Variants in ABCA4 observed in about 807,000 individuals in gnomAD.
ABCA4 encodes ATP binding cassette subfamily A member 4.
Under a neutral mutation model 263.7 loss-of-function variants are expected in ABCA4, and 196 were observed. The ratio of observed to expected loss-of-function variants is 0.74; its 90% CI spans 0.66 to 0.84. The LOEUF (loss-of-function observed/expected upper bound fraction) is 0.84, where lower values mean the gene tolerates loss of function less well. ABCA4 is among the 40% of genes least tolerant of loss of function. ABCA4 has a pLI of 0.00. For synonymous variants in ABCA4, 1,133 were observed against 1,094.2 expected (o/e 1.04, Z -0.70); for missense variants, 2,792 against 2,855.1 (o/e 0.98, Z 0.50).
chr1:94,082,448 T>A (rs192144744), intron 7 of ABCA4, among the ~76,000 whole-genome samples: 9 of 152,324 alleles, frequency 5.9e-5, no homozygotes, highest in African/African-American at 1.2e-4. Context: ...GTGATATAAA[T>A]TTTTTTAATG....
chr1:94,107,634 G>T (rs1308029250), intron 4 of ABCA4, among the ~76,000 whole-genome samples: 1 of 152,138 alleles, frequency 6.6e-6, no homozygotes, highest in African/African-American at 2.4e-5. Context: ...CTGGTGCCCA[G>T]CTCCTGCCAT....
At chr1:94,018,573 C>T (rs1659802534) in intron 36 of ABCA4, 1 of 455,796 alleles carries the variant, frequency 2.2e-6, no homozygotes, top group Non-Finnish European at 4.4e-6. Flanking sequence ...CCAATATTCA[C>T]CATCATTTTA....
At chr1:94,078,738 C>G in intron 9 of ABCA4, 32 bp from the exon 10 acceptor site, 1 of 1,477,372 alleles carries the variant, frequency 6.8e-7, no homozygotes, top group Non-Finnish European at 9.5e-7. Context: ...GACAGAGACA[C>G]GAACAGAGAG....
chr1:94,000,949 G>A (rs1157743492), intron 46 of ABCA4, 21 bp from the exon 47 acceptor site: 6 of 1,614,050 alleles, frequency 3.7e-6, no homozygotes, highest in Non-Finnish European at 5.1e-6. Context: ...GGAGAGAGGA[G>A]GTGAGCAGGA....
chr1:94,034,733 C>A (rs900808471), intron 26 of ABCA4, among the ~76,000 whole-genome samples: 1 of 151,728 alleles, frequency 6.6e-6, no homozygotes, highest in African/African-American at 2.4e-5. Flanking sequence ...GAGCTCAGTT[C>A]CCCCCAGATG....
intron 11 of ABCA4, among the ~76,000 whole-genome samples, chr1:94,071,736 C>T (rs1570400947): frequency 1.3e-5 from 2 of 152,188 alleles, no homozygotes; most frequent in African/African-American, 2.4e-5. Flanking sequence ...CCACCCATGA[C>T]CCCGGTCTAC....
At chr1:94,099,075 T>A in intron 5 of ABCA4, 84 bp from the exon 6 acceptor site, 1 of 1,395,130 alleles carries the variant, frequency 7.2e-7, no homozygotes, top group Non-Finnish European at 9.8e-7. Flanking sequence ...TGGGAATACC[T>A]TGTGTTACAT....
chr1:94,009,268 G>T (rs958380515), intron 40 of ABCA4, among the ~76,000 whole-genome samples: 1 of 152,126 alleles, frequency 6.6e-6, no homozygotes, highest in Admixed American at 6.5e-5. Flanking sequence ...GGACTAAAAT[G>T]CTTCCTCTAC....
chr1:94,080,493 A>G lies in ABCA4; in HGVS notation c.1084T>C (p.Tyr362His), dbSNP rs1661660024. 6.2e-7 allele frequency: 1 copy of G among 1,614,076 alleles called. No individual in the cohort carries two copies. Among genetic ancestry groups the G allele is most frequent in the Non-Finnish European group, 8.5e-7 (1 of 1,180,038 alleles). ...DSTRKDPIYS[Y>H]DRRTTSFCNA... ...GAAAACTTACTTGTTCTTCTGTCAT[A>G]AGAATAGATAGGATCCTTCCTTGTG... The change falls in exon 8 of 50, where the codon TAT becomes CAT. Residue 362 changes from tyrosine (Y) to histidine (H), a missense_variant. Transcript: ENST00000370225.
intron 14 of ABCA4, among the ~76,000 whole-genome samples, chr1:94,060,296 C>A (rs1661084102): frequency 6.6e-6 from 1 of 152,272 alleles, no homozygotes; most frequent in Middle Eastern, 3.4e-3. Context: ...ACTGGGAAGT[C>A]TGTGTGGACC....
At chr1:94,075,864 C>G (rs1025374492) in intron 11 of ABCA4, among the ~76,000 whole-genome samples, 1 of 152,138 alleles carries the variant, frequency 6.6e-6, no homozygotes, top group Non-Finnish European at 1.5e-5. Context: ...GTTTAGCTGC[C>G]CAGCCAGAGA....
chr1:94,022,341 C>A (rs1022155361), intron 32 of ABCA4, among the ~76,000 whole-genome samples: 1 of 152,204 alleles, frequency 6.6e-6, no homozygotes, highest in African/African-American at 2.4e-5. Flanking sequence ...TTGGGAGCAT[C>A]GAGCCAACTC....
At chr1:94,073,551 T>C (rs1470931580) in intron 11 of ABCA4, among the ~76,000 whole-genome samples, 1 of 152,234 alleles carries the variant, frequency 6.6e-6, no homozygotes, top group African/African-American at 2.4e-5. Context: ...TTTGCATGAA[T>C]TAGCTCATTT....
In ABCA4 at chr1:94,047,076, C is replaced by T. The variant is rs1277583380; in HGVS notation, c.2761G>A (p.Glu921Lys). The change falls in exon 19 of 50, where the codon GAG becomes AAG. Residue 921 changes from glutamate to lysine, a missense_variant. Coordinates refer to ENST00000370225, the MANE Select transcript of ABCA4 (RefSeq NM_000350.3). ...ACCCCAGGAACCCACCCTGGATGCT[C>T]ACGTTCAAAGAAGGAGTCTTGGAGG... Reference protein sequence around the residue: ...EGIHDSFFEREHPGWVPGVCV... With the variant: ...EGIHDSFFERKHPGWVPGVCV... 1.2e-6 allele frequency: 2 copies of T among 1,614,006 alleles called. No individual in the cohort carries two copies. Among genetic ancestry groups the T allele is most frequent in the East Asian group, 2.2e-5 (1 of 44,894 alleles).
chr1:94,101,200 C>G lies in ABCA4; in HGVS notation c.570+1815G>C, dbSNP rs182539527. 5.6e-4 allele frequency among the ~76,000 whole-genome samples: 86 copies of G among 152,320 alleles called. 2 individuals are homozygous for G. The highest frequency in any genetic ancestry group is 2.9e-3 in the East Asian group (15 of 5,184). The stretch of plus-strand genomic sequence containing the variant: ...GTAAGGAACTGGAAAGAAATTTCCC[C>G]GAAATTCCTGTCCTTATCTTCATCT... On this transcript the variant is annotated intron_variant, in intron 5 of 49. Transcript: ENST00000370225.
chr1:94,079,784 G>C (rs1303913103), intron 8 of ABCA4, among the ~76,000 whole-genome samples: 1 of 152,186 alleles, frequency 6.6e-6, no homozygotes, highest in East Asian at 1.9e-4. Flanking sequence ...GAAAGGGACT[G>C]AGAGGCCAAA....
intron 21 of ABCA4, 109 bp downstream of exon 21, chr1:94,043,227 G>A (rs1660567156): frequency 8.7e-6 from 13 of 1,502,880 alleles, no homozygotes; most frequent in African/African-American, 1.4e-5. Context: ...TCACAGAGGT[G>A]TTCCCACCCT....
At chr1:94,116,057 C>G (rs914725535) in intron 1 of ABCA4, among the ~76,000 whole-genome samples, 1 of 152,188 alleles carries the variant, frequency 6.6e-6, no homozygotes, top group Non-Finnish European at 1.5e-5. Context: ...GCTTGTCACG[C>G]ACTCTCCTGG....
chr1:94,102,458 C>T (rs1280576607), intron 5 of ABCA4, among the ~76,000 whole-genome samples: 1 of 151,912 alleles, frequency 6.6e-6, no homozygotes, highest in African/African-American at 2.4e-5. Context: ...GCTCAAATAC[C>T]ACCTCCTCAG....
Sources: gnomAD v4.1 joint callset for allele counts (sites outside exome capture counted in the v4.1 genomes callset) on GRCh38, gnomAD v4.1.1 for gene constraint, MANE v1.5 for transcripts, NCBI Gene and HGNC (gene_info 2026-07-23, HGNC 2026-07-21) for gene names.